DDX47: variants seen among roughly 807,000 people sequenced by gnomAD.
The protein encoded by DDX47 is probable ATP-dependent RNA helicase DDX47.
Under a neutral mutation model 58.8 loss-of-function variants are expected in DDX47, and 60 were observed. The ratio of observed to expected loss-of-function variants is 1.02; its 90% CI spans 0.83 to 1.26. The LOEUF (loss-of-function observed/expected upper bound fraction) is 1.26, where lower values mean the gene tolerates loss of function less well. Ranked by LOEUF, DDX47 falls within the 50% of genes most tolerant of loss-of-function variation. The pLI, the probability that DDX47 is intolerant of heterozygous loss-of-function variation, is 0.00. For missense variants in DDX47, 530 were observed against 573.2 expected, an observed-to-expected ratio of 0.92 and a Z score of 0.77; for synonymous variants, 197 against 204.6, an observed-to-expected ratio of 0.96 and a Z score of 0.32.
intron 2 of DDX47, among the ~76,000 whole-genome samples, chr12:12,816,567 A>G (rs891615820): frequency 3.3e-5 from 5 of 152,228 alleles, no homozygotes; most frequent in African/African-American, 1.2e-4. Context: ...AGAGCTGGAT[A>G]TACACACTGT....
intron 2 of DDX47, among the ~76,000 whole-genome samples, chr12:12,816,990 A>G (rs984937414): frequency 1.3e-5 from 2 of 152,224 alleles, no homozygotes; most frequent in South Asian, 4.1e-4. Context: ...GAAGATTACT[A>G]GGAACTGACA....
At chr12:12,824,191 C>T (rs749317338) in intron 8 of DDX47, 175 bp downstream of exon 8, 4 of 770,540 alleles carry the variant, frequency 5.2e-6, no homozygotes, top group Non-Finnish European at 5.9e-6. Flanking sequence ...TTCAGGGTAG[C>T]GAGAGGCTCC....
Position 12,821,960 on chromosome 12 carries a change from G to T in DDX47, c.443-5G>T. ...TCACTGTTTCTCCTCAACCTTTCTTGGTAGCAACTCCTGGTCGACTGATTG... is the reference window on the plus strand; with the variant it reads ...TCACTGTTTCTCCTCAACCTTTCTTTGTAGCAACTCCTGGTCGACTGATTG... On this transcript the variant is annotated splice_region_variant and splice_polypyrimidine_tract_variant and intron_variant, in intron 4 of 11. Transcript: ENST00000358007. 1.3e-6 allele frequency: 2 copies of T among 1,582,776 alleles called. No individual in the cohort carries two copies. The highest frequency in any genetic ancestry group is 1.7e-6 in the Non-Finnish European group (2 of 1,153,336).
chr12:12,827,256 G>T lies in DDX47; in HGVS notation c.1117G>T (p.Glu373Ter). The T allele has an allele frequency of 6.2e-7, 1 of 1,613,962 alleles. No individual in the cohort carries two copies. The highest frequency in any genetic ancestry group is 8.5e-7 in the Non-Finnish European group (1 of 1,179,976). The change falls in exon 11 of 12, where the codon GAA becomes TAA. Residue 373 changes from glutamate (E) to a stop codon, truncating the protein, a stop_gained. Coordinates refer to ENST00000358007, the MANE Select transcript of DDX47 (RefSeq NM_016355.4). LOFTEE classifies it high-confidence loss of function. ...GTTTTCCTTCCTCAGGTATGATGTG[G>T]AACTCTTCCAGCGCATAGAACACTT... Reference protein sequence around the residue: ...AITFVTQYDVELFQRIEHLIG... With the variant: ...AITFVTQYDV
intron 9 of DDX47, among the ~76,000 whole-genome samples, chr12:12,825,568 A>C (rs867675714): frequency 6.6e-6 from 1 of 152,130 alleles, no homozygotes; most frequent in Non-Finnish European, 1.5e-5. Flanking sequence ...TTTGATTTTC[A>C]TAACAACTCT....
Position 12,822,094 on chromosome 12 carries a change from A to T in DDX47, c.561+11A>T, listed in dbSNP as rs542683731. ...GATTTTGAGACAGAGGTGAGCTCTC[A>T]ATTTCTTTCCTCCTCTTAGAGCATC... On this transcript the variant is annotated intron_variant, in intron 5 of 11. Coordinates refer to ENST00000358007, the MANE Select transcript of DDX47 (RefSeq NM_016355.4). The T allele has an allele frequency of 1.3e-6, 2 of 1,582,786 alleles. No individual in the cohort carries two copies. Among genetic ancestry groups the T allele is most frequent in the Non-Finnish European group, 1.7e-6 (2 of 1,152,984 alleles).
At position 12,824,644 on chromosome 12, in the gene DDX47, G is replaced by A; in HGVS notation, c.1002G>A (p.Val334=). Residue 334 remains valine (V), a synonymous_variant, in exon 9 of 12, where the codon GTG becomes GTA. Coordinates refer to ENST00000358007, the MANE Select transcript of DDX47 (RefSeq NM_016355.4). ...SRGLDIPHVD[V]VVNFDIPTHS... is the part of the protein sequence containing the mutation. The stretch of plus-strand genomic sequence containing the variant: ...GTTTGGACATACCTCATGTAGATGT[G>A]GTTGTCAACTTTGACATTCCTACCC... 6.2e-7 allele frequency: 1 copy of A among 1,614,148 alleles called. No homozygotes were observed. The highest frequency in any genetic ancestry group is 8.5e-7 in the Non-Finnish European group (1 of 1,180,020).
intron 10 of DDX47, among the ~76,000 whole-genome samples, chr12:12,826,483 C>T (rs938868201): frequency 9.2e-5 from 14 of 151,738 alleles, no homozygotes; most frequent in African/African-American, 3.4e-4. Context: ...CGCTCTGTCG[C>T]CTAGGCTGGA....
In DDX47 at chr12:12,821,226, TTG is replaced by T. The variant is rs1862965294; in HGVS notation, c.201_202del (p.Ala68ArgfsTer45). 2.5e-6 allele frequency: 4 copies of T among 1,614,256 alleles called. No individual in the cohort carries two copies. The highest frequency in any genetic ancestry group is 1.7e-6 in the Non-Finnish European group (2 of 1,180,052). ...CTTTTAGGTCGTGATATCATTGGGC[TTG>T]CAGAAACTGGCTCTGGAAAGACAGG... is the stretch of plus-strand genomic sequence containing the variant. On this transcript the variant is annotated frameshift_variant, in exon 3 of 12. Transcript: ENST00000358007. LOFTEE classifies it high-confidence loss of function.
chr12:12,821,986 A>T lies in DDX47; in HGVS notation c.464A>T (p.Asp155Val), dbSNP rs565158085. ...GTAGCAACTCCTGGTCGACTGATTG[A>T]CCACTTGGAAAATACGAAAGGTTTC... ...IIIATPGRLI[D>V]HLENTKGFNL... The change falls in exon 5 of 12, where the codon GAC becomes GTC. Residue 155 changes from aspartate (D) to valine (V), a missense_variant. Coordinates refer to ENST00000358007, the MANE Select transcript of DDX47 (RefSeq NM_016355.4). 1 of 1,613,578 alleles carries T rather than the reference A, an allele frequency of 6.2e-7. No homozygotes were observed. Among genetic ancestry groups the T allele is most frequent in the East Asian group, 2.2e-5 (1 of 44,876 alleles).
intron 2 of DDX47, among the ~76,000 whole-genome samples, chr12:12,819,018 T>C (rs765388449): frequency 6.6e-6 from 1 of 152,220 alleles, no homozygotes; most frequent in Non-Finnish European, 1.5e-5. Context: ...TTGTCTGATC[T>C]GGCATGGCAG....
intron 5 of DDX47, 75 bp downstream of exon 5, chr12:12,822,158 T>C: frequency 1.1e-6 from 1 of 911,362 alleles, no homozygotes; most frequent in Non-Finnish European, 1.8e-6. Flanking sequence ...ATTGCCCACT[T>C]GTTTCATGTA....
At chr12:12,814,280 C>CT in intron 2 of DDX47, 56 bp downstream of exon 2, 1 of 1,078,948 alleles carries the variant, frequency 9.3e-7, no homozygotes, top group Non-Finnish European at 1.4e-6. Context: ...TTAGATACCC[C>CT]TTTTGAAAGC....
intron 2 of DDX47, among the ~76,000 whole-genome samples, chr12:12,816,386 A>G (rs1416437771): frequency 6.6e-6 from 1 of 152,214 alleles, no homozygotes; most frequent in Non-Finnish European, 1.5e-5. Flanking sequence ...ATGTGAGGTG[A>G]CAGATATGTT....
intron 8 of DDX47, 31 bp downstream of exon 8, chr12:12,824,047 A>G: frequency 6.2e-7 from 1 of 1,604,384 alleles, no homozygotes. Flanking sequence ...TCAGCCATGC[A>G]CTGGTGGCGT....
Position 12,821,969 on chromosome 12 carries a change from T to C in DDX47, c.447T>C (p.Thr149=), listed in dbSNP as rs1056956157. The C allele has an allele frequency of 2.5e-6, 4 of 1,607,738 alleles. No homozygotes were observed. In the African/African-American group the frequency reaches 4.0e-5, roughly 16 times the overall value. ...CTCCTCAACCTTTCTTGGTAGCAAC[T>C]CCTGGTCGACTGATTGACCACTTGG... ...LAKKPHIIIA[T]PGRLIDHLEN... The change falls in exon 5 of 12, where the codon ACT becomes ACC. Residue 149 remains threonine, a synonymous_variant. Transcript: ENST00000358007.
At position 12,826,073 on chromosome 12, in the gene DDX47, A is replaced by C. The variant is rs751425462; in HGVS notation, c.1106+3A>C. ...AAGGCTATTACTTTTGTCACACAGT[A>C]AGTAAATCAGCTTTAGGGCCGAGCA... On this transcript the variant is annotated splice_donor_region_variant and intron_variant, in intron 10 of 11. Coordinates refer to ENST00000358007, the MANE Select transcript of DDX47 (RefSeq NM_016355.4). 6.2e-7 allele frequency: 1 copy of C among 1,613,272 alleles called. No individual in the cohort carries two copies. The highest frequency in any genetic ancestry group is 8.5e-7 in the Non-Finnish European group (1 of 1,179,576).
chr12:12,824,714 AG>A, intron 9 of DDX47, 37 bp downstream of exon 9: 2 of 1,596,374 alleles, frequency 1.3e-6, no homozygotes, highest in Non-Finnish European at 1.7e-6. Flanking sequence ...CTAGTCCTAA[AG>A]TGTATTTCTT....
chr12:12,821,661 T>C lies in DDX47; in HGVS notation c.377T>C (p.Ile126Thr). The C allele has an allele frequency of 6.2e-7, 1 of 1,613,844 alleles. No individual in the cohort carries two copies. Among genetic ancestry groups the C allele is most frequent in the South Asian group, 1.1e-5 (1 of 91,068 alleles). ...GTTCTTTTTTTCTCTGTAGCTGTGATTGTAGGTGGAATTGATTCAATGTCT... is the reference window on the plus strand; with the variant it reads ...GTTCTTTTTTTCTCTGTAGCTGTGACTGTAGGTGGAATTGATTCAATGTCT... ...GSSIGVQSAVIVGGIDSMSQS... is the reference protein window; with the variant it reads ...GSSIGVQSAVTVGGIDSMSQS... The change falls in exon 4 of 12, where the codon ATT becomes ACT. Residue 126 changes from isoleucine to threonine, a missense_variant. Physicochemically the swap from Ile to Thr is moderately conservative, Grantham distance 89. Transcript: ENST00000358007.
Sources: allele counts gnomAD v4.1 joint callset (sites outside exome capture counted in the v4.1 genomes callset), GRCh38; gene constraint gnomAD v4.1.1; transcripts MANE v1.5; gene names NCBI Gene and HGNC (gene_info 2026-07-23, HGNC 2026-07-21).